The following CDC14B variants were observed in gnomAD, a reference collection of about 807,000 sequenced individuals.
CDC14B encodes dual specificity protein phosphatase CDC14B.
In CDC14B, 22 loss-of-function variants were observed where a neutral mutation model predicts 64.2. The observed-to-expected ratio is 0.34, with a 90% CI of 0.24 to 0.49. The LOEUF (loss-of-function observed/expected upper bound fraction) is 0.49, where lower values mean the gene tolerates loss of function less well. CDC14B is among the 20% of genes least tolerant of loss of function. CDC14B has a pLI of 0.99. For missense variants in CDC14B, 498 were observed against 629.9 expected (o/e 0.79, Z 2.24); for synonymous variants, 191 against 215.8 (o/e 0.89, Z 1.01).
intron 1 of CDC14B, among the ~76,000 whole-genome samples, chr9:96,581,102 C>T (rs769427317): frequency 6.6e-5 from 10 of 152,006 alleles, no homozygotes; most frequent in South Asian, 2.1e-4. Context: ...TGGTGGCGCG[C>T]GCCTGTAATC....
downstream of CDC14B, among the ~76,000 whole-genome samples, chr9:96,499,641 A>G (rs938919760): frequency 6.6e-6 from 1 of 152,166 alleles, no homozygotes; most frequent in Non-Finnish European, 1.5e-5. Flanking sequence ...TACCCTACAG[A>G]AGGGGGCTGG....
chr9:96,495,051 G>A (rs995996459), intron 13 of CDC14B, among the ~76,000 whole-genome samples: 1 of 151,574 alleles, frequency 6.6e-6, no homozygotes, highest in Non-Finnish European at 1.5e-5. Flanking sequence ...AGCCAGGATG[G>A]GCTCGATCTC....
At position 96,502,872 on chromosome 9, in the gene CDC14B, CCGA is replaced by C. The variant is rs1833682770; in HGVS notation, c.*878_*880del. The C allele has an allele frequency of 2.5e-6, 1 of 397,312 alleles. No homozygotes were observed. Among genetic ancestry groups the C allele is most frequent in the Admixed American group, 4.4e-5 (1 of 22,632 alleles). 24.6% of individuals were successfully genotyped at this position (397,312 alleles called of 1,614,324 possible). On this transcript the variant is annotated 3_prime_UTR_variant, in exon 14 of 14. Transcript: ENST00000375241. ...AGTGGTAACTTTTTTTTTTTGTAAG[CCGA>C]CATTATTTGGGATTGCTGTTTCCAA...
intron 5 of CDC14B, among the ~76,000 whole-genome samples, chr9:96,550,360 C>T (rs908757767): frequency 6.6e-6 from 1 of 152,206 alleles, no homozygotes; most frequent in Non-Finnish European, 1.5e-5. Flanking sequence ...AGTCTTCAGA[C>T]TGCCCTGACA....
At chr9:96,542,750 C>T (rs1182312704) in intron 5 of CDC14B, among the ~76,000 whole-genome samples, 1 of 151,936 alleles carries the variant, frequency 6.6e-6, no homozygotes, top group Non-Finnish European at 1.5e-5. Context: ...GTGGCTCAGG[C>T]ATGTAATCCC....
At chr9:96,561,791 C>G (rs916009907) in intron 4 of CDC14B, among the ~76,000 whole-genome samples, 1 of 151,914 alleles carries the variant, frequency 6.6e-6, no homozygotes, top group Non-Finnish European at 1.5e-5. Flanking sequence ...CCGGCCAAAA[C>G]AACCCTTTTT....
intron 5 of CDC14B, among the ~76,000 whole-genome samples, chr9:96,542,332 T>A (rs16911170): frequency 0.052 from 7,925 of 152,280 alleles, 697 homozygotes; most frequent in African/African-American, 0.18. Context: ...TGTGTGTCTA[T>A]TTATACGTGT....
Position 96,523,266 on chromosome 9 carries a change from C to G in CDC14B, c.1240G>C (p.Glu414Gln). Residue 414 changes from glutamate to glutamine, a missense_variant, in exon 11 of 14, where the codon GAA (glutamate) becomes CAA (glutamine). Glu to Gln is a conservative substitution (Grantham distance 29, BLOSUM62 2). Transcript: ENST00000375241. ...AACAGAAACGGCTTGATTACCGGTT[C>G]GGGTTCTTGCTGATCTTGATTCTCG... ...GVENQDQQEP[E>Q]PYSDDDEING... is the part of the protein sequence containing the mutation. The G allele has an allele frequency of 1.2e-6, 2 of 1,613,866 alleles. No homozygotes were observed. The highest frequency in any genetic ancestry group is 1.7e-6 in the Non-Finnish European group (2 of 1,179,870).
At chr9:96,549,666 A>C (rs1841513225) in intron 5 of CDC14B, among the ~76,000 whole-genome samples, 1 of 152,060 alleles carries the variant, frequency 6.6e-6, no homozygotes, top group Non-Finnish European at 1.5e-5. Context: ...TCCGTCTAAA[A>C]AAAAAAAAAG....
intron 9 of CDC14B, among the ~76,000 whole-genome samples, chr9:96,524,238 C>A (rs1587813556): frequency 6.6e-6 from 1 of 152,248 alleles, no homozygotes; most frequent in Admixed American, 6.5e-5. Context: ...CCACGCCTGG[C>A]CTTACGCCAA....
intron 1 of CDC14B, among the ~76,000 whole-genome samples, chr9:96,602,189 G>A (rs532261337): frequency 1.1e-3 from 173 of 152,266 alleles, no homozygotes; most frequent in African/African-American, 3.9e-3. Flanking sequence ...AGCTATGAGT[G>A]GAAAAAGGCA....
At chr9:96,597,297 G>A (rs1423855253) in intron 1 of CDC14B, among the ~76,000 whole-genome samples, 2 of 151,812 alleles carry the variant, frequency 1.3e-5, no homozygotes, top group African/African-American at 4.8e-5. Flanking sequence ...AGTTCGAGAT[G>A]AGCCTGGCCA....
intron 5 of CDC14B, among the ~76,000 whole-genome samples, chr9:96,548,586 G>A (rs1008241515): frequency 5.3e-4 from 80 of 152,236 alleles, no homozygotes; most frequent in African/African-American, 1.9e-3. Context: ...GGAGGCCAAG[G>A]TAGGCGGATC....
At chr9:96,589,981 T>A (rs1486643492) in intron 1 of CDC14B, among the ~76,000 whole-genome samples, 1 of 151,970 alleles carries the variant, frequency 6.6e-6, no homozygotes, top group Admixed American at 6.6e-5. Flanking sequence ...AAAAAGTTTT[T>A]AAATTGTGGT....
chr9:96,618,600 G>A (rs765460300), intron 1 of CDC14B: 2 of 532,688 alleles, frequency 3.8e-6, no homozygotes, highest in Non-Finnish European at 7.7e-6. Context: ...AGGCCCCGGC[G>A]GGGAGCGGAC....
At chr9:96,526,627 A>G (rs1837603602) in intron 9 of CDC14B, among the ~76,000 whole-genome samples, 5 of 152,194 alleles carry the variant, frequency 3.3e-5, no homozygotes, top group Admixed American at 3.3e-4. Context: ...CCCAATTTTC[A>G]TACTGTCATC....
downstream of CDC14B, among the ~76,000 whole-genome samples, chr9:96,495,400 C>G (rs556992993): frequency 5.0e-5 from 7 of 141,044 alleles, no homozygotes; most frequent in African/African-American, 1.5e-4. Context: ...TGCCCCCCCC[C>G]GCCCCCCGCC....
intron 1 of CDC14B, among the ~76,000 whole-genome samples, chr9:96,615,085 C>T (rs1847540870): frequency 6.6e-6 from 1 of 152,180 alleles, no homozygotes; most frequent in Non-Finnish European, 1.5e-5. Context: ...AGGTTATCCA[C>T]CCACCTCAGC....
At chr9:96,583,374 TTATTA>T (rs1291964758) in intron 1 of CDC14B, among the ~76,000 whole-genome samples, 31 of 115,418 alleles carry the variant, frequency 2.7e-4, no homozygotes, top group African/African-American at 9.5e-4. Context: ...TATTTATTTA[TTATTA>T]TTATTATTAT....
Sources: allele counts gnomAD v4.1 joint callset (sites outside exome capture counted in the v4.1 genomes callset), GRCh38; gene constraint gnomAD v4.1.1; transcripts MANE v1.5; gene names NCBI Gene and HGNC (gene_info 2026-07-23, HGNC 2026-07-21).